The following STARD13 variants were observed in gnomAD, a reference collection of about 807,000 sequenced individuals.
The protein encoded by STARD13 is stAR-related lipid transfer protein 13.
Under a neutral mutation model 106.4 loss-of-function variants are expected in STARD13, and 62 were observed. That is an observed-to-expected ratio of 0.58 (90% CI 0.48 to 0.72). The LOEUF (loss-of-function observed/expected upper bound fraction) is 0.72, where lower values mean the gene tolerates loss of function less well. Ranked by LOEUF, STARD13 falls within the 30% of genes least tolerant of loss-of-function variation. The pLI, the probability that STARD13 is intolerant of heterozygous loss-of-function variation, is 0.00. For missense variants in STARD13, 1,387 were observed against 1,424.0 expected (o/e 0.97, Z 0.42); for synonymous variants, 565 against 553.0 (o/e 1.02, Z -0.31).
the STARD13 span, among the ~76,000 whole-genome samples, chr13:33,644,371 G>A: frequency 3.9e-5 from 6 of 152,214 alleles, no homozygotes; most frequent in East Asian, 1.9e-4. Context: ...ATAACAGGAA[G>A]AGCCCTGGCC....
the STARD13 span, among the ~76,000 whole-genome samples, chr13:33,472,286 G>T: frequency 6.6e-6 from 1 of 151,866 alleles, no homozygotes; most frequent in African/African-American, 2.4e-5. Flanking sequence ...CTTCTTTCTT[G>T]TTTATTCTTT....
the STARD13 span, among the ~76,000 whole-genome samples, chr13:33,540,681 G>C: frequency 5.9e-5 from 9 of 152,310 alleles, no homozygotes; most frequent in Admixed American, 5.2e-4. Context: ...AAATAGATTC[G>C]ATGGTGGGAA....
At chr13:33,212,854 G>C (rs1246581111) in intron 1 of STARD13, among the ~76,000 whole-genome samples, 1 of 152,228 alleles carries the variant, frequency 6.6e-6, no homozygotes, top group Non-Finnish European at 1.5e-5. Flanking sequence ...TGAGAAAAAA[G>C]TTACCTTTCC....
At chr13:33,643,691 T>C in the STARD13 span, among the ~76,000 whole-genome samples, 1 of 152,258 alleles carries the variant, frequency 6.6e-6, no homozygotes, top group Non-Finnish European at 1.5e-5. Flanking sequence ...CAGTCTGCCA[T>C]GGGGCAGGCA....
the STARD13 span, among the ~76,000 whole-genome samples, chr13:33,532,277 T>G: frequency 6.6e-6 from 1 of 152,232 alleles, no homozygotes; most frequent in African/African-American, 2.4e-5. Context: ...TAGCCTAATG[T>G]ATTGCTAATG....
At chr13:33,211,364 A>C (rs1887705544) in intron 1 of STARD13, among the ~76,000 whole-genome samples, 2 of 152,098 alleles carry the variant, frequency 1.3e-5, no homozygotes, top group Non-Finnish European at 2.9e-5. Context: ...CTAACTTCTA[A>C]TTTCACTTGT....
At chr13:33,431,488 T>C in the STARD13 span, among the ~76,000 whole-genome samples, 1 of 152,228 alleles carries the variant, frequency 6.6e-6, no homozygotes, top group Non-Finnish European at 1.5e-5. Context: ...ATTATATTTC[T>C]ATTAGATGGC....
At chr13:33,291,708 C>G (rs371989158) in intron 1 of STARD13, among the ~76,000 whole-genome samples, 1 of 152,162 alleles carries the variant, frequency 6.6e-6, no homozygotes, top group African/African-American at 2.4e-5. Context: ...TACCACTATA[C>G]CCCACGTTAA....
At chr13:33,105,777 T>A in intron 13 of STARD13, 67 bp from the exon 14 acceptor site, 1 of 1,349,526 alleles carries the variant, frequency 7.4e-7, no homozygotes, top group South Asian at 1.2e-5. Flanking sequence ...TTAGTTTTGG[T>A]GGACAGGGCT....
intron 3 of STARD13, among the ~76,000 whole-genome samples, chr13:33,162,878 T>C (rs1462366291): frequency 6.6e-6 from 1 of 152,192 alleles, no homozygotes; most frequent in Non-Finnish European, 1.5e-5. Context: ...GTTCCAAAGT[T>C]GTTTCCACAT....
chr13:33,116,708 A>G (rs1476657982), intron 8 of STARD13, among the ~76,000 whole-genome samples: 1 of 152,260 alleles, frequency 6.6e-6, no homozygotes, highest in African/African-American at 2.4e-5. Context: ...TGAAAAATGT[A>G]GTTCAACCTC....
chr13:33,591,562 T>C, the STARD13 span, among the ~76,000 whole-genome samples: 1 of 152,184 alleles, frequency 6.6e-6, no homozygotes, highest in Non-Finnish European at 1.5e-5. Context: ...TATTTCTAAG[T>C]CTCATTTCAT....
At chr13:33,402,742 G>A in the STARD13 span, among the ~76,000 whole-genome samples, 4 of 152,220 alleles carry the variant, frequency 2.6e-5, no homozygotes, top group Admixed American at 2.6e-4. Context: ...GAGAAAGAGA[G>A]AAGAGGAGGA....
intron 1 of STARD13, among the ~76,000 whole-genome samples, chr13:33,239,037 T>TC (rs1036552932): frequency 3.3e-5 from 5 of 149,962 alleles, no homozygotes; most frequent in East Asian, 4.0e-4. Flanking sequence ...CATTTCCCCC[T>TC]CCCCCCCAGC....
chr13:33,385,563 C>G, the STARD13 span, among the ~76,000 whole-genome samples: 1 of 149,314 alleles, frequency 6.7e-6, no homozygotes, highest in Non-Finnish European at 1.5e-5. Flanking sequence ...TAACTAGATT[C>G]TAAAAGCTTA....
chr13:33,165,739 A>G (rs571776921), intron 2 of STARD13, among the ~76,000 whole-genome samples: 2 of 152,234 alleles, frequency 1.3e-5, no homozygotes, highest in Non-Finnish European at 2.9e-5. Flanking sequence ...TGCTTTCACC[A>G]TCCACCTAAC....
At chr13:33,288,300 T>C (rs1892151663), upstream of STARD13, among the ~76,000 whole-genome samples, 1 of 152,150 alleles carries the variant, frequency 6.6e-6, no homozygotes, top group Admixed American at 6.5e-5. Flanking sequence ...AGATGGTGCC[T>C]CACTCTGTCT....
upstream of STARD13, chr13:33,285,805 G>A: frequency 1.4e-6 from 2 of 1,414,236 alleles, no homozygotes; most frequent in Non-Finnish European, 1.8e-6. Flanking sequence ...CAACCCCCGG[G>A]GCCCTCACGT....
chr13:33,518,463 G>A, the STARD13 span, among the ~76,000 whole-genome samples: 13 of 152,112 alleles, frequency 8.5e-5, no homozygotes, highest in Non-Finnish European at 1.8e-4. Context: ...AAAAAGCTAT[G>A]CCAAACTGCC....
Sources: allele counts gnomAD v4.1 joint callset (sites outside exome capture counted in the v4.1 genomes callset), GRCh38; gene constraint gnomAD v4.1.1; transcripts MANE v1.5; gene names NCBI Gene and HGNC (gene_info 2026-07-23, HGNC 2026-07-21).